The following DLG2 variants were observed in gnomAD, a reference collection of about 807,000 sequenced individuals.
The protein encoded by DLG2 is disks large homolog 2.
Under a neutral mutation model 132.5 loss-of-function variants are expected in DLG2, and 45 were observed. The ratio of observed to expected loss-of-function variants is 0.34; its 90% CI spans 0.27 to 0.44. DLG2 has a LOEUF of 0.44. DLG2 is among the 20% of genes least tolerant of loss of function. The pLI is 1.00. For synonymous variants in DLG2, 424 were observed against 419.6 expected, an observed-to-expected ratio of 1.01 and a Z score of -0.13; for missense variants, 1,045 against 1,196.9, an observed-to-expected ratio of 0.87 and a Z score of 1.87.
At chr11:85,170,768 G>C (rs1357211112) in intron 4 of DLG2, among the ~76,000 whole-genome samples, 2 of 152,118 alleles carry the variant, frequency 1.3e-5, no homozygotes, top group Non-Finnish European at 2.9e-5. Context: ...ACAACAGGTA[G>C]GTCAGCAGGA....
intron 8 of DLG2, among the ~76,000 whole-genome samples, chr11:84,199,474 T>C (rs1597266189): frequency 6.6e-6 from 1 of 152,058 alleles, no homozygotes; most frequent in Admixed American, 6.6e-5. Context: ...AATCAATCCA[T>C]AGATCACCAA....
chr11:85,473,335 T>C (rs1322567425), intron 3 of DLG2, among the ~76,000 whole-genome samples: 2 of 152,198 alleles, frequency 1.3e-5, no homozygotes, highest in East Asian at 1.9e-4. Context: ...TGTGTCAAAA[T>C]GTTGGAAAAT....
chr11:83,565,169 T>A (rs1429389360), intron 19 of DLG2, among the ~76,000 whole-genome samples: 1 of 152,162 alleles, frequency 6.6e-6, no homozygotes, highest in African/African-American at 2.4e-5. Context: ...ACCTCAGTAC[T>A]CTGTTACTGA....
At chr11:84,850,647 T>C (rs1219161494) in intron 6 of DLG2, among the ~76,000 whole-genome samples, 1 of 152,064 alleles carries the variant, frequency 6.6e-6, no homozygotes, top group Admixed American at 6.6e-5. Flanking sequence ...TTATACAGAG[T>C]ATCTTAAAGA....
intron 6 of DLG2, among the ~76,000 whole-genome samples, chr11:84,801,291 G>A (rs549104128): frequency 5.2e-4 from 79 of 152,070 alleles, no homozygotes; most frequent in Non-Finnish European, 1.0e-3. Context: ...TTTAATTGAG[G>A]CCAGGCGCCA....
At chr11:83,695,669 G>A (rs1314929040) in intron 18 of DLG2, among the ~76,000 whole-genome samples, 4 of 152,168 alleles carry the variant, frequency 2.6e-5, no homozygotes, top group African/African-American at 9.7e-5. Flanking sequence ...AACCTGGGAG[G>A]TGGAGGTTGC....
intron 14 of DLG2, among the ~76,000 whole-genome samples, chr11:83,941,723 C>T (rs2082712869): frequency 6.6e-6 from 1 of 152,108 alleles, no homozygotes; most frequent in African/African-American, 2.4e-5. Context: ...AGCATATGTG[C>T]TTAATTTTGT....
chr11:83,949,102 A>G (rs557166476), intron 14 of DLG2, among the ~76,000 whole-genome samples: 22 of 152,182 alleles, frequency 1.4e-4, no homozygotes, highest in South Asian at 2.1e-4. Flanking sequence ...TGTTGTCCCT[A>G]TGGTCTCCAG....
At chr11:84,356,172 C>T (rs1024448911) in intron 7 of DLG2, among the ~76,000 whole-genome samples, 1 of 152,102 alleles carries the variant, frequency 6.6e-6, no homozygotes, top group African/African-American at 2.4e-5. Flanking sequence ...GTGGGGAAAG[C>T]AGTCCACTTT....
chr11:85,219,268 C>A (rs1337021627), intron 4 of DLG2, among the ~76,000 whole-genome samples: 1 of 152,106 alleles, frequency 6.6e-6, no homozygotes, highest in Admixed American at 6.6e-5. Flanking sequence ...TTCATAAAAG[C>A]TTTTTCTGAC....
intron 11 of DLG2, among the ~76,000 whole-genome samples, chr11:84,049,894 T>C (rs1366994979): frequency 6.6e-6 from 1 of 151,648 alleles, no homozygotes; most frequent in Non-Finnish European, 1.5e-5. Flanking sequence ...TCTTGGGGGA[T>C]GGATATGATG....
intron 4 of DLG2, among the ~76,000 whole-genome samples, chr11:85,262,436 A>G (rs1236438993): frequency 6.6e-6 from 1 of 152,174 alleles, no homozygotes; most frequent in Non-Finnish European, 1.5e-5. Flanking sequence ...TTAGGATTAA[A>G]CAAGTTTATT....
chr11:85,232,115 C>T (rs947590323), intron 4 of DLG2, among the ~76,000 whole-genome samples: 8 of 151,816 alleles, frequency 5.3e-5, no homozygotes, highest in Admixed American at 2.0e-4. Flanking sequence ...TTGCTTTCTA[C>T]CAAGCAACAT....
At chr11:84,394,900 G>A (rs960513715) in intron 7 of DLG2, among the ~76,000 whole-genome samples, 4 of 152,116 alleles carry the variant, frequency 2.6e-5, no homozygotes, top group Admixed American at 6.5e-5. Context: ...GATTACAGGC[G>A]TGAGTCACAG....
intron 6 of DLG2, among the ~76,000 whole-genome samples, chr11:84,629,322 A>C (rs2099627866): frequency 6.6e-6 from 1 of 152,230 alleles, no homozygotes; most frequent in Non-Finnish European, 1.5e-5. Flanking sequence ...TGAGACTGAA[A>C]AAATACTCCC....
intron 7 of DLG2, among the ~76,000 whole-genome samples, chr11:84,271,932 T>C (rs1468233823): frequency 1.9e-5 from 2 of 103,780 alleles, no homozygotes; most frequent in Non-Finnish European, 3.6e-5. Flanking sequence ...ACAAGGAATA[T>C]CACACTTTGA....
chr11:83,513,687 T>C (rs2095160661), intron 21 of DLG2, among the ~76,000 whole-genome samples: 1 of 152,222 alleles, frequency 6.6e-6, no homozygotes, highest in African/African-American at 2.4e-5. Context: ...CTTTAATCCA[T>C]CTTGAATTCA....
At chr11:85,409,472 C>T (rs2089111885) in intron 3 of DLG2, among the ~76,000 whole-genome samples, 1 of 151,676 alleles carries the variant, frequency 6.6e-6, no homozygotes, top group Non-Finnish European at 1.5e-5. Flanking sequence ...AAATTATGGT[C>T]AGGAGTATCA....
At chr11:83,626,814 C>T (rs2062615989) in intron 19 of DLG2, among the ~76,000 whole-genome samples, 1 of 152,132 alleles carries the variant, frequency 6.6e-6, no homozygotes, top group African/African-American at 2.4e-5. Context: ...CTTTCAGGTT[C>T]TGCCTCTGGG....
Sources: allele counts gnomAD v4.1 joint callset (sites outside exome capture counted in the v4.1 genomes callset), GRCh38; gene constraint gnomAD v4.1.1; transcripts MANE v1.5; gene names NCBI Gene and HGNC (gene_info 2026-07-23, HGNC 2026-07-21).